The following LYNX1 variants were observed in gnomAD, a reference collection of about 807,000 sequenced individuals.
The protein encoded by LYNX1 is Ly6/neurotoxin 1.
A neutral mutation model predicts 8.3 loss-of-function variants in LYNX1; 8 were observed. The ratio of observed to expected loss-of-function variants is 0.97; its 90% CI spans 0.57 to 1.74. The LOEUF (loss-of-function observed/expected upper bound fraction) is 1.74. Among genes scored for constraint, LYNX1 ranks in the 40% most tolerant of loss-of-function variants. LYNX1 has a pLI of 0.00. For synonymous variants in LYNX1, 73 were observed against 67.9 expected (o/e 1.08, Z -0.37); for missense variants, 158 against 159.7 (o/e 0.99, Z 0.06).
chr8:142,775,358 T>A lies in LYNX1; in HGVS notation c.160A>T (p.Thr54Ser), dbSNP rs779133253. Residue 54 changes from threonine (T) to serine (S), a missense_variant, in exon 4 of 4, where the codon ACC (threonine) becomes TCC (serine). Physicochemically the swap from Thr to Ser is moderately conservative, Grantham distance 58. Coordinates refer to ENST00000652477, the MANE Select transcript of LYNX1 (RefSeq NM_177477.4). Reference protein sequence around the residue: ...AYCMTTRTYYTPTRMKVSKSC... With the variant: ...AYCMTTRTYYSPTRMKVSKSC... ...TTACTGACCTTCATCCTGGTGGGGG[T>A]GTAGTCTGCAGAGGGGCGGGGCGGT... is the stretch of plus-strand genomic sequence containing the variant. The A allele has an allele frequency of 1.9e-6, 3 of 1,612,938 alleles. No individual in the cohort carries two copies. Among genetic ancestry groups the A allele is most frequent in the Admixed American group, 3.3e-5 (2 of 59,984 alleles).
Position 142,775,367 on chromosome 8 carries a change from C to T in LYNX1, c.155-4G>A. The stretch of plus-strand genomic sequence containing the variant: ...TTCATCCTGGTGGGGGTGTAGTCTG[C>T]AGAGGGGCGGGGCGGTGAGCCAGCT... On this transcript the variant is annotated splice_region_variant and splice_polypyrimidine_tract_variant and intron_variant, in intron 3 of 3. Transcript: ENST00000652477. The T allele has an allele frequency of 6.2e-7, 1 of 1,612,328 alleles. No homozygotes were observed. Among genetic ancestry groups the T allele is most frequent in the Non-Finnish European group, 8.5e-7 (1 of 1,179,262 alleles).
At chr8:142,777,399 C>T (rs1453267503), upstream of LYNX1, 1 of 91,412 alleles carries the variant, frequency 1.1e-5, no homozygotes, top group Non-Finnish European at 2.1e-5. Context: ...GGGCTACTCA[C>T]CAAGCCGCGC....
rs778932411 is a variant in LYNX1 at position 142,775,631 on chromosome 8, C to G, written c.116G>C (p.Cys39Ser). The G allele has an allele frequency of 9.4e-6, 15 of 1,602,402 alleles. No homozygotes were observed. Among genetic ancestry groups the G allele is most frequent in the Admixed American group, 3.4e-5 (2 of 58,356 alleles). Residue 39 changes from cysteine to serine, a missense_variant, in exon 3 of 4, where the codon TGC becomes TCC. Coordinates refer to ENST00000652477, the MANE Select transcript of LYNX1 (RefSeq NM_177477.4). ...NGDNCFNPMR[C>S]PAMVAYCMTT... ...CATGCAGTAGGCAACCATAGCCGGG[C>G]AGCGCATGGGGTTGAAGCAGTTGTC... is the stretch of plus-strand genomic sequence containing the variant.
At chr8:142,777,821 C>T (rs1490538793), upstream of LYNX1, 11 of 398,840 alleles carry the variant, frequency 2.8e-5, no homozygotes, top group East Asian at 3.9e-4. Context: ...CAGCCTTCCC[C>T]GCAGCCGCCT....
chr8:142,775,278 C>G lies in LYNX1; in HGVS notation c.240G>C (p.Ala80=). Residue 80 remains alanine (A), a synonymous_variant, in exon 4 of 4, where the codon GCG becomes GCC. Coordinates refer to ENST00000652477, the MANE Select transcript of LYNX1 (RefSeq NM_177477.4). ...ETVYDGYSKH[A]STTSCCQYDL... ...CGTACTGGCAGCAGGAGGTGGTGGA[C>G]GCGTGCTTGGAGTAGCCATCATACA... The G allele has an allele frequency of 6.2e-7, 1 of 1,613,944 alleles. No individual in the cohort carries two copies. The highest frequency in any genetic ancestry group is 8.5e-7 in the Non-Finnish European group (1 of 1,179,976).
intron 1 of LYNX1, 103 bp from the exon 2 acceptor site, chr8:142,776,224 G>T: frequency 1.9e-6 from 1 of 525,676 alleles, no homozygotes; most frequent in East Asian, 3.3e-5. Flanking sequence ...CTAACTCAGT[G>T]GGTGTCAGGG....
Position 142,774,442 on chromosome 8 carries a change from A to G in LYNX1, c.*725T>C. 2.0e-6 allele frequency: 2 copies of G among 985,786 alleles called. No homozygotes were observed. Among genetic ancestry groups the G allele is most frequent in the Non-Finnish European group, 2.4e-6 (2 of 830,122 alleles). 61.1% of individuals were successfully genotyped at this position (985,786 alleles called of 1,614,324 possible). A position where few individuals can be genotyped will look rare whatever the true frequency, so the allele number is the denominator to read the frequency against. ...CATGGCCCTAGCTCCTGCCAGCTTC[A>G]GGCCTGGTGCCCTCCCCGTGAGGGG... On this transcript the variant is annotated 3_prime_UTR_variant, in exon 4 of 4. Transcript: ENST00000652477.
Position 142,773,801 on chromosome 8 carries a change from C to T in LYNX1, c.*1366G>A, listed in dbSNP as rs1362735794. 3 of 985,292 alleles carry T rather than the reference C, an allele frequency of 3.0e-6. No homozygotes were observed. The highest frequency in any genetic ancestry group is 1.7e-5 in the African/African-American group (1 of 57,208). 61.0% of individuals were successfully genotyped at this position (985,292 alleles called of 1,614,324 possible). On this transcript the variant is annotated 3_prime_UTR_variant, in exon 4 of 4. Coordinates refer to ENST00000652477, the MANE Select transcript of LYNX1 (RefSeq NM_177477.4). ...ACCACATGGATATGTCACCATCCTGCCCATGCGGGATGGCTTGAAGGGTTT... is the reference window on the plus strand; with the variant it reads ...ACCACATGGATATGTCACCATCCTGTCCATGCGGGATGGCTTGAAGGGTTT...
rs1015967980 is a variant in LYNX1 at position 142,773,717 on chromosome 8, T to C, written c.*1450A>G. The C allele has an allele frequency of 4.4e-5, 43 of 985,154 alleles. 1 individual carries two copies. In the Admixed American group the frequency reaches 8.6e-4, roughly 20 times the overall value. The allele number at this position is 985,154 out of a possible 1,614,324, so 61.0% of individuals were successfully genotyped here. Reference sequence around the variant, plus strand: ...GGGTCCTGCATCAAAGCTCTGGAGATGCAATTTCCAGCAGGGGCTCCCCTG... The same window carrying C: ...GGGTCCTGCATCAAAGCTCTGGAGACGCAATTTCCAGCAGGGGCTCCCCTG... On this transcript the variant is annotated 3_prime_UTR_variant, in exon 4 of 4. Coordinates refer to ENST00000652477, the MANE Select transcript of LYNX1 (RefSeq NM_177477.4).
At position 142,771,598 on chromosome 8, in the gene LYNX1, C is replaced by A; in HGVS notation, c.*3569G>T. ...CCTGAGGGGCTGGCAGATTCAGGCC[C>A]TCCCTGCGAGCTGAGGTTTGAAGAG... On this transcript the variant is annotated 3_prime_UTR_variant, in exon 4 of 4. Transcript: ENST00000652477. 1 of 985,664 alleles carries A rather than the reference C, an allele frequency of 1.0e-6. No individual in the cohort carries two copies. The highest frequency in any genetic ancestry group is 1.2e-6 in the Non-Finnish European group (1 of 829,974). 61.1% of individuals were successfully genotyped at this position (985,664 alleles called of 1,614,324 possible).
In LYNX1 at chr8:142,776,020, C is replaced by T; in HGVS notation, c.-63G>A. The stretch of plus-strand genomic sequence containing the variant: ...CAACAGCAGCTAGCCCTGGATCCAA[C>T]TCAGGGGTGGCGCACAGAGGATCCA... On this transcript the variant is annotated 5_prime_UTR_variant, in exon 2 of 4. Transcript: ENST00000652477. 2 of 1,586,498 alleles carry T rather than the reference C, an allele frequency of 1.3e-6. No homozygotes were observed. Among genetic ancestry groups the T allele is most frequent in the East Asian group, 2.3e-5 (1 of 44,332 alleles).
At position 142,774,149 on chromosome 8, in the gene LYNX1, T is replaced by TGCCCCCCCCC; in HGVS notation, c.*1017_*1018insGGGGGGGGGC. ...CGGGGGAGGGGCTGGGTCTCCGCCC[T>TGCCCCCCCCC]CCCCACCCCACCCTCCCCACTCCCG... is the stretch of plus-strand genomic sequence containing the variant. On this transcript the variant is annotated 3_prime_UTR_variant, in exon 4 of 4. Coordinates refer to ENST00000652477, the MANE Select transcript of LYNX1 (RefSeq NM_177477.4). 1.4e-6 allele frequency: 1 copy of TGCCCCCCCCC among 725,210 alleles called. No homozygotes were observed. Among genetic ancestry groups the TGCCCCCCCCC allele is most frequent in the Non-Finnish European group, 1.6e-6 (1 of 608,414 alleles). 44.9% of individuals were successfully genotyped at this position (725,210 alleles called of 1,614,324 possible).
chr8:142,774,815 G>C lies in LYNX1; in HGVS notation c.*352C>G. The C allele has an allele frequency of 8.8e-7, 1 of 1,130,318 alleles. No individual in the cohort carries two copies. 70.0% of individuals were successfully genotyped at this position (1,130,318 alleles called of 1,614,324 possible). The stretch of plus-strand genomic sequence containing the variant: ...CACACCAGGGGCAGACTGAGGCAGG[G>C]GCCTCTCCTAGGGCTTCCCAGAAGG... On this transcript the variant is annotated 3_prime_UTR_variant, in exon 4 of 4. Coordinates refer to ENST00000652477, the MANE Select transcript of LYNX1 (RefSeq NM_177477.4).
In LYNX1 at chr8:142,773,569, C is replaced by T; in HGVS notation, c.*1598G>A. The T allele has an allele frequency of 1.0e-6, 1 of 985,692 alleles. No individual in the cohort carries two copies. The highest frequency in any genetic ancestry group is 1.2e-6 in the Non-Finnish European group (1 of 830,142). 61.1% of individuals were successfully genotyped at this position (985,692 alleles called of 1,614,324 possible). A position where few individuals can be genotyped will look rare whatever the true frequency, so the allele number is the denominator to read the frequency against. ...GCAAGACTCTGCCCCCTCCCATCCT[C>T]ATGTTCTCAGGAGACTGAAGCTGGG... On this transcript the variant is annotated 3_prime_UTR_variant, in exon 4 of 4. Coordinates refer to ENST00000652477, the MANE Select transcript of LYNX1 (RefSeq NM_177477.4).
chr8:142,773,249 C>T lies in LYNX1; in HGVS notation c.*1918G>A. On this transcript the variant is annotated 3_prime_UTR_variant, in exon 4 of 4. Coordinates refer to ENST00000652477, the MANE Select transcript of LYNX1 (RefSeq NM_177477.4). The stretch of plus-strand genomic sequence containing the variant: ...TTTGGGCACTGCCCTGAGGCTGGCA[C>T]TTGCAGGTGGGGGCCCTTGGGAGCT... 1.0e-6 allele frequency: 1 copy of T among 985,480 alleles called. No individual in the cohort carries two copies. The highest frequency in any genetic ancestry group is 1.2e-6 in the Non-Finnish European group (1 of 829,950). The allele number at this position is 985,480 out of a possible 1,614,324, so 61.0% of individuals were successfully genotyped here.
chr8:142,776,314 C>T, intron 1 of LYNX1, 193 bp from the exon 2 acceptor site: 1 of 335,244 alleles, frequency 3.0e-6, no homozygotes, highest in South Asian at 3.1e-5. Flanking sequence ...GAGACCAGCA[C>T]CTGCAAAAGC....
In LYNX1 at chr8:142,776,001, C is replaced by T. The variant is rs372001904; in HGVS notation, c.-44G>A. 306 of 1,609,230 alleles carry T rather than the reference C, an allele frequency of 1.9e-4. No individual in the cohort carries two copies. The highest frequency in any genetic ancestry group is 2.4e-4 in the Non-Finnish European group (285 of 1,177,386). On this transcript the variant is annotated 5_prime_UTR_variant, in exon 2 of 4. Coordinates refer to ENST00000652477, the MANE Select transcript of LYNX1 (RefSeq NM_177477.4). ...AGCGTGGGAGTGGGGAGGTCAACAG[C>T]AGCTAGCCCTGGATCCAACTCAGGG...
rs1380867289 is a variant in LYNX1 at position 142,771,226 on chromosome 8, G to A, written c.*3941C>T. 2 of 985,406 alleles carry A rather than the reference G, an allele frequency of 2.0e-6. No individual in the cohort carries two copies. Among genetic ancestry groups the A allele is most frequent in the Non-Finnish European group, 2.4e-6 (2 of 830,012 alleles). The allele number at this position is 985,406 out of a possible 1,614,324, so 61.0% of individuals were successfully genotyped here. On this transcript the variant is annotated 3_prime_UTR_variant, in exon 4 of 4. Coordinates refer to ENST00000652477, the MANE Select transcript of LYNX1 (RefSeq NM_177477.4). ...ATGCGAATCTGTTGATTTATTTACG[G>A]CTCGGTGAGACGACGCTGGACGCTG...
Position 142,771,214 on chromosome 8 carries a change from G to A in LYNX1, c.*3953C>T. On this transcript the variant is annotated 3_prime_UTR_variant, in exon 4 of 4. Coordinates refer to ENST00000652477, the MANE Select transcript of LYNX1 (RefSeq NM_177477.4). ...GAAGCGCAGACAATGCGAATCTGTT[G>A]ATTTATTTACGGCTCGGTGAGACGA... 9 of 985,520 alleles carry A rather than the reference G, an allele frequency of 9.1e-6. No homozygotes were observed. Among genetic ancestry groups the A allele is most frequent in the Non-Finnish European group, 9.6e-6 (8 of 829,990 alleles). The allele number at this position is 985,520 out of a possible 1,614,324, so 61.0% of individuals were successfully genotyped here. A position where few individuals can be genotyped will look rare whatever the true frequency, so the allele number is the denominator to read the frequency against.
Sources: gnomAD v4.1 joint callset for allele counts on GRCh38, gnomAD v4.1.1 for gene constraint, MANE v1.5 for transcripts, NCBI Gene and HGNC (gene_info 2026-07-23, HGNC 2026-07-21) for gene names.